GABBR2: variants seen among roughly 807,000 people sequenced by gnomAD.
The protein encoded by GABBR2 is G-protein coupled receptor 51.
Under a neutral mutation model 105.6 loss-of-function variants are expected in GABBR2, and 23 were observed. The observed-to-expected ratio is 0.22, with a 90% CI of 0.16 to 0.31. The LOEUF (loss-of-function observed/expected upper bound fraction) is 0.31. Ranked by LOEUF, GABBR2 falls within the 10% of genes least tolerant of loss-of-function variation. The pLI is 1.00. For missense variants in GABBR2, 734 were observed against 1,245.5 expected (o/e 0.59, Z 6.18); for synonymous variants, 478 against 499.7 (o/e 0.96, Z 0.58).
In GABBR2 at chr9:98,614,942, C is replaced by T. The variant is rs1829559126; in HGVS notation, c.322-36870G>A. Among the ~76,000 whole-genome samples, 7 of 152,186 alleles carry T rather than the reference C, an allele frequency of 4.6e-5. No homozygotes were observed. In the South Asian group the frequency reaches 1.4e-3, roughly 32 times the overall value. ...AAACAGACTTTCAGGGTATATTAAC[C>T]TTCCCTCTGCCTGTTGTTCTCTCAA... On this transcript the variant is annotated intron_variant, in intron 1 of 18. Transcript: ENST00000259455.
intron 3 of GABBR2, among the ~76,000 whole-genome samples, chr9:98,534,334 TTGG>T (rs1828126250): frequency 8.0e-6 from 1 of 125,024 alleles, no homozygotes; most frequent in Non-Finnish European, 1.9e-5. Flanking sequence ...GTCTTGGAGC[TTGG>T]AGCTTGGAGG....
At chr9:98,439,776 G>A (rs1240257481) in intron 7 of GABBR2, among the ~76,000 whole-genome samples, 1 of 152,238 alleles carries the variant, frequency 6.6e-6, no homozygotes, top group Non-Finnish European at 1.5e-5. Flanking sequence ...AGGTGTTTGA[G>A]GGTCTAGAAG....
At chr9:98,390,346 C>T (rs1832156509) in intron 9 of GABBR2, among the ~76,000 whole-genome samples, 1 of 131,624 alleles carries the variant, frequency 7.6e-6, no homozygotes, top group South Asian at 2.3e-4. Flanking sequence ...TGCACTCCAG[C>T]CTGGGTGACA....
chr9:98,450,854 G>A (rs778188571), intron 7 of GABBR2, among the ~76,000 whole-genome samples: 15 of 152,128 alleles, frequency 9.9e-5, no homozygotes, highest in Non-Finnish European at 1.8e-4. Flanking sequence ...TGTATTATTT[G>A]GCTTAGATGA....
Position 98,460,456 on chromosome 9 carries a change from G to A in GABBR2, c.1000-6239C>T, listed in dbSNP as rs201306150. ...AGATGCAGAATGTCATCAGAGAACT[G>A]AATACTATAAAAGAAAAAATATAAA... On this transcript the variant is annotated intron_variant, in intron 6 of 18. Coordinates refer to ENST00000259455, the MANE Select transcript of GABBR2 (RefSeq NM_005458.8). 2.0e-5 allele frequency among the ~76,000 whole-genome samples: 3 copies of A among 151,898 alleles called. No individual in the cohort carries two copies. The East Asian group carries it at 5.8e-4, about 29-fold the overall frequency.
intron 1 of GABBR2, among the ~76,000 whole-genome samples, chr9:98,652,557 C>A (rs1445549800): frequency 2.6e-5 from 4 of 152,210 alleles, no homozygotes; most frequent in Non-Finnish European, 5.9e-5. Flanking sequence ...CTCCCAGCCT[C>A]CTCATGCTCT....
At chr9:98,437,920 C>T (rs1192584297) in intron 7 of GABBR2, among the ~76,000 whole-genome samples, 2 of 151,240 alleles carry the variant, frequency 1.3e-5, no homozygotes, top group African/African-American at 4.9e-5. Context: ...ACCCACATAC[C>T]CATCCATCCA....
chr9:98,489,233 T>G (rs569489521), intron 4 of GABBR2, among the ~76,000 whole-genome samples: 1 of 152,278 alleles, frequency 6.6e-6, no homozygotes, highest in East Asian at 1.9e-4. Context: ...CATGAATCTG[T>G]GGGCACAAAG....
At chr9:98,592,157 A>T (rs1318111694) in intron 1 of GABBR2, among the ~76,000 whole-genome samples, 1 of 152,210 alleles carries the variant, frequency 6.6e-6, no homozygotes, top group African/African-American at 2.4e-5. Flanking sequence ...TTGACTGGAC[A>T]TGGCCCATGA....
At chr9:98,423,253 C>A (rs1327518673) in intron 7 of GABBR2, among the ~76,000 whole-genome samples, 1 of 152,204 alleles carries the variant, frequency 6.6e-6, no homozygotes, top group East Asian at 1.9e-4. Flanking sequence ...TCCTATTTCT[C>A]CACATCCTCT....
chr9:98,596,737 G>A (rs929274607), intron 1 of GABBR2, among the ~76,000 whole-genome samples: 4 of 152,218 alleles, frequency 2.6e-5, no homozygotes, highest in South Asian at 2.1e-4. Flanking sequence ...CCATCCTTAC[G>A]CTTGCATTCT....
chr9:98,647,933 A>C (rs1293691058), intron 1 of GABBR2, among the ~76,000 whole-genome samples: 1 of 151,752 alleles, frequency 6.6e-6, no homozygotes, highest in Non-Finnish European at 1.5e-5. Flanking sequence ...GTCGATTGAA[A>C]TGGTCATTAT....
intron 13 of GABBR2, among the ~76,000 whole-genome samples, chr9:98,359,364 G>A (rs1261495382): frequency 6.6e-6 from 1 of 152,136 alleles, no homozygotes; most frequent in Admixed American, 6.6e-5. Flanking sequence ...GGAGATGGAG[G>A]TTGAGCAGCG....
At chr9:98,389,148 C>T (rs547049722) in intron 9 of GABBR2, 144 bp from the exon 10 acceptor site, 36 of 622,240 alleles carry the variant, frequency 5.8e-5, no homozygotes, top group African/African-American at 3.5e-4. Context: ...GAGCCAGATC[C>T]GGTGGTTGGC....
Position 98,290,767 on chromosome 9 carries a change from G to A in GABBR2, c.2661-18C>T. 1 of 1,461,158 alleles carries A rather than the reference G, an allele frequency of 6.8e-7. No homozygotes were observed. Among genetic ancestry groups the A allele is most frequent in the Non-Finnish European group, 9.0e-7 (1 of 1,114,750 alleles). 90.5% of individuals were successfully genotyped at this position (1,461,158 alleles called of 1,614,324 possible). The stretch of plus-strand genomic sequence containing the variant: ...GCTGGATGCTGAAGAGAAGGAGAGG[G>A]AGGAGTGTTAGTGAAGGGTAGCTGG... On this transcript the variant is annotated intron_variant, in intron 18 of 18. Coordinates refer to ENST00000259455, the MANE Select transcript of GABBR2 (RefSeq NM_005458.8).
chr9:98,564,621 T>C (rs757841610), intron 2 of GABBR2, among the ~76,000 whole-genome samples: 2 of 152,220 alleles, frequency 1.3e-5, no homozygotes, highest in Non-Finnish European at 1.5e-5. Context: ...TTTAGAACCA[T>C]GCCTGGCCCA....
intron 1 of GABBR2, among the ~76,000 whole-genome samples, chr9:98,606,661 G>A (rs550993457): frequency 7.9e-5 from 12 of 151,656 alleles, no homozygotes; most frequent in South Asian, 2.1e-4. Context: ...TGTATTTTTA[G>A]TAGAGACAGG....
chr9:98,485,772 G>C (rs1288672802), intron 4 of GABBR2, among the ~76,000 whole-genome samples: 1 of 152,168 alleles, frequency 6.6e-6, no homozygotes, highest in African/African-American at 2.4e-5. Context: ...CCCAGGTGCA[G>C]TCCCCTCCTT....
chr9:98,373,484 G>C (rs142511432), intron 11 of GABBR2, among the ~76,000 whole-genome samples: 137 of 152,146 alleles, frequency 9.0e-4, no homozygotes, highest in Admixed American at 2.4e-3. Flanking sequence ...CTCTCTCCCC[G>C]ACATCCTGCT....
Sources: allele counts gnomAD v4.1 joint callset (sites outside exome capture counted in the v4.1 genomes callset), GRCh38; gene constraint gnomAD v4.1.1; transcripts MANE v1.5; gene names NCBI Gene and HGNC (gene_info 2026-07-23, HGNC 2026-07-21).